The following MTREX variants were observed in gnomAD, a reference collection of about 807,000 sequenced individuals.
The protein encoded by MTREX is Mtr4 exosome RNA helicase.
Under a neutral mutation model 135.4 loss-of-function variants are expected in MTREX, and 76 were observed. That is an observed-to-expected ratio of 0.56 (90% CI 0.47 to 0.68). The LOEUF is 0.68. MTREX is among the 30% of genes least tolerant of loss of function. The probability of loss-of-function intolerance (pLI) is 0.00; values close to 1 mark genes in which losing one functional copy is unlikely to be tolerated. For synonymous variants in MTREX, 404 were observed against 401.6 expected, an observed-to-expected ratio of 1.01 and a Z score of -0.07; for missense variants, 920 against 1,262.1, an observed-to-expected ratio of 0.73 and a Z score of 4.11.
chr5:55,354,017 G>C (rs1022753969), intron 14 of MTREX, among the ~76,000 whole-genome samples: 4 of 152,152 alleles, frequency 2.6e-5, no homozygotes, highest in Non-Finnish European at 4.4e-5. Context: ...AGAGAAAGTT[G>C]GGAGCATAGG....
At chr5:55,422,529 C>T (rs1046025353) in intron 25 of MTREX, among the ~76,000 whole-genome samples, 2 of 152,170 alleles carry the variant, frequency 1.3e-5, no homozygotes, top group Non-Finnish European at 2.9e-5. Flanking sequence ...TGGTCCTTCC[C>T]TTGTTGCTGC....
Position 55,340,125 on chromosome 5 carries a change from T to C in MTREX, c.631T>C (p.Leu211=). The change falls in exon 6 of 27, where the codon TTG becomes CTG. Residue 211 remains leucine, a synonymous_variant. Transcript: ENST00000230640. ...GTATGAAGAATTTCAAGATGTTGGT[T>C]TGATGACTGGTGATGTTACTATTAA... ...EMYEEFQDVG[L]MTGDVTINPT... is the part of the protein sequence containing the mutation. 1 of 1,604,650 alleles carries C rather than the reference T, an allele frequency of 6.2e-7. No individual in the cohort carries two copies. Among genetic ancestry groups the C allele is most frequent in the Non-Finnish European group, 8.5e-7 (1 of 1,175,608 alleles).
intron 5 of MTREX, among the ~76,000 whole-genome samples, chr5:55,329,182 AGTGCTT>A (rs1749428781): frequency 6.6e-6 from 1 of 151,466 alleles, no homozygotes; most frequent in Non-Finnish European, 1.5e-5. Flanking sequence ...GATTTTGTCA[AGTGCTT>A]TTTTTGCATC....
Position 55,308,277 on chromosome 5 carries a change from G to C in MTREX, c.134+130G>C, listed in dbSNP as rs1267778210. 3 of 1,144,302 alleles carry C rather than the reference G, an allele frequency of 2.6e-6. No individual in the cohort carries two copies. In the African/African-American group the frequency reaches 4.8e-5, roughly 18 times the overall value. The allele number at this position is 1,144,302 out of a possible 1,614,324, so 70.9% of individuals were successfully genotyped here. On this transcript the variant is annotated intron_variant, in intron 1 of 26. Coordinates refer to ENST00000230640, the MANE Select transcript of MTREX (RefSeq NM_015360.5). Reference sequence around the variant, plus strand: ...TGGCGTTGGAAGTGAAGGGGTTCCAGAAAAAAGTTGGAGAGGGTGGAAGAA... The same window carrying C: ...TGGCGTTGGAAGTGAAGGGGTTCCACAAAAAAGTTGGAGAGGGTGGAAGAA...
intron 23 of MTREX, among the ~76,000 whole-genome samples, chr5:55,412,480 C>T (rs1750898207): frequency 6.6e-6 from 1 of 152,128 alleles, no homozygotes; most frequent in Non-Finnish European, 1.5e-5. Context: ...CTGATACTTA[C>T]ATGTTAGTGG....
chr5:55,369,068 A>G (rs1750152941), intron 16 of MTREX, among the ~76,000 whole-genome samples: 1 of 150,008 alleles, frequency 6.7e-6, no homozygotes, highest in Non-Finnish European at 1.5e-5. Flanking sequence ...GTATTTTTAA[A>G]AGAGCTATAA....
chr5:55,324,075 T>C (rs1301529851), intron 2 of MTREX, 57 bp from the exon 3 acceptor site: 1 of 1,261,656 alleles, frequency 7.9e-7, no homozygotes, highest in Non-Finnish European at 1.1e-6. Context: ...TGAGGCTTAT[T>C]ATCAAATTAT....
chr5:55,350,940 T>C lies in MTREX; in HGVS notation c.1342T>C (p.Leu448=), dbSNP rs764873684. 1 of 1,603,902 alleles carries C rather than the reference T, an allele frequency of 6.2e-7. No individual in the cohort carries two copies. Among genetic ancestry groups the C allele is most frequent in the Non-Finnish European group, 8.5e-7 (1 of 1,177,158 alleles). Residue 448 remains leucine (L), a synonymous_variant, in exon 13 of 27, where the codon TTG becomes CTG. Coordinates refer to ENST00000230640, the MANE Select transcript of MTREX (RefSeq NM_015360.5). The stretch of plus-strand genomic sequence containing the variant: ...ACAGGTAGAACATGTACTTCCTCTT[T>C]TGAAGAGGGGAATTGGTATTCACCA... The part of the protein sequence containing the change: ...LPQVEHVLPL[L]KRGIGIHHGG...
At chr5:55,379,293 A>G in intron 18 of MTREX, 98 bp downstream of exon 18, 1 of 676,978 alleles carries the variant, frequency 1.5e-6, no homozygotes, top group Non-Finnish European at 2.5e-6. Context: ...ATATTACCTG[A>G]AGAGAAGCAG....
chr5:55,394,453 A>G (rs1750616592), intron 19 of MTREX, among the ~76,000 whole-genome samples: 2 of 152,174 alleles, frequency 1.3e-5, no homozygotes, highest in Admixed American at 1.3e-4. Flanking sequence ...TTTTCCATGG[A>G]CCAGTGTGGA....
At chr5:55,423,192 G>A (rs1399807316) in intron 26 of MTREX, 5 of 543,188 alleles carry the variant, frequency 9.2e-6, no homozygotes, top group East Asian at 6.1e-5. Context: ...TTAATTGTAC[G>A]CTAACTACAT....
rs756495903 is a variant in MTREX, at chr5:55,344,545, T to C, written c.930T>C (p.Asp310=). The change falls in exon 9 of 27, where the codon GAT becomes GAC. Residue 310 remains aspartate (D), a synonymous_variant. Transcript: ENST00000230640. ...AGCCTTGTCATGTTATTTACACAGA[T>C]TATCGGCCCACTCCATTGCAACACT... ...HKQPCHVIYT[D]YRPTPLQHYI... 1.2e-6 allele frequency: 2 copies of C among 1,611,002 alleles called. No individual in the cohort carries two copies. Among genetic ancestry groups the C allele is most frequent in the Admixed American group, 3.3e-5 (2 of 59,914 alleles).
At chr5:55,318,208 T>C (rs1749229950) in intron 1 of MTREX, among the ~76,000 whole-genome samples, 1 of 152,174 alleles carries the variant, frequency 6.6e-6, no homozygotes, top group Admixed American at 6.5e-5. Context: ...GAAGGCAATA[T>C]GGCAATTCAT....
intron 1 of MTREX, among the ~76,000 whole-genome samples, chr5:55,314,845 T>G (rs1749171633): frequency 6.6e-6 from 1 of 152,172 alleles, no homozygotes. Context: ...TAGATTCTCA[T>G]AAGGAGTGCA....
intron 1 of MTREX, among the ~76,000 whole-genome samples, chr5:55,312,653 G>A (rs1160469777): frequency 6.6e-6 from 1 of 152,122 alleles, no homozygotes; most frequent in Non-Finnish European, 1.5e-5. Context: ...TATATCAATA[G>A]TTTGTTTTTC....
chr5:55,346,942 T>G, intron 10 of MTREX, 71 bp from the exon 11 acceptor site: 3 of 1,276,698 alleles, frequency 2.3e-6, no homozygotes, highest in Non-Finnish European at 3.2e-6. Flanking sequence ...AGTTTTATAG[T>G]TTTAGCTTTT....
chr5:55,412,595 A>G (rs1054246627), intron 23 of MTREX, among the ~76,000 whole-genome samples: 1 of 152,220 alleles, frequency 6.6e-6, no homozygotes, highest in African/African-American at 2.4e-5. Flanking sequence ...TGGTGTTACT[A>G]TTTTAAATAA....
chr5:55,317,977 C>T (rs1008025537), intron 1 of MTREX, among the ~76,000 whole-genome samples: 18 of 152,258 alleles, frequency 1.2e-4, no homozygotes, highest in Non-Finnish European at 2.1e-4. Flanking sequence ...ACAGACATTT[C>T]TCAAAAGAAG....
Position 55,309,033 on chromosome 5 carries a change from A to G in MTREX, c.134+886A>G, listed in dbSNP as rs112828502. Among the ~76,000 whole-genome samples, 930 of 152,278 alleles carry G rather than the reference A, an allele frequency of 6.1e-3. 8 individuals carry two copies. The highest frequency in any genetic ancestry group is 0.022 in the African/African-American group (897 of 41,554). On this transcript the variant is annotated intron_variant, in intron 1 of 26. Coordinates refer to ENST00000230640, the MANE Select transcript of MTREX (RefSeq NM_015360.5). ...GTCGTTAACTTAAAATGAATGATATATACAATTAAGTGTTATAAAAGTTCA... is the reference window on the plus strand; with the variant it reads ...GTCGTTAACTTAAAATGAATGATATGTACAATTAAGTGTTATAAAAGTTCA...
Sources: gnomAD v4.1 joint callset for allele counts (sites outside exome capture counted in the v4.1 genomes callset) on GRCh38, gnomAD v4.1.1 for gene constraint, MANE v1.5 for transcripts, NCBI Gene and HGNC (gene_info 2026-07-23, HGNC 2026-07-21) for gene names.